The following FGB variants were observed in gnomAD, a reference collection of about 807,000 sequenced individuals.
The protein encoded by FGB is beta-fibrinogen.
In FGB, 25 loss-of-function variants were observed where a neutral mutation model predicts 57.9. That is an observed-to-expected ratio of 0.43 (90% confidence interval 0.31 to 0.60). The LOEUF (loss-of-function observed/expected upper bound fraction) is 0.60, where lower values mean the gene tolerates loss of function less well. Among genes scored for constraint, FGB ranks in the 20% least tolerant of loss-of-function variants. The pLI is 0.08. For missense variants in FGB, 536 were observed against 598.4 expected (o/e 0.90, Z 1.09); for synonymous variants, 203 against 199.2 (o/e 1.02, Z -0.16).
Position 154,570,403 on chromosome 4 carries a change from A to G in FGB, c.1245-16A>G, listed in dbSNP as rs748100577. On this transcript the variant is annotated splice_polypyrimidine_tract_variant and intron_variant, in intron 7 of 7. Transcript: ENST00000302068. ...GTAGTTCTGTTTCTAATAACGCCAA[A>G]CACATTTTCTTTCAGGTTAACATCA... The G allele has an allele frequency of 1.9e-5, 30 of 1,601,278 alleles. No individual in the cohort carries two copies. The highest frequency in any genetic ancestry group is 2.5e-5 in the Non-Finnish European group (29 of 1,168,460).
Position 154,567,743 on chromosome 4 carries a change from C to A in FGB, c.641C>A (p.Ser214Tyr). ...AGAAGCAAAATACAAAAGTTAGAAT[C>A]TGATGTCTCAGCTCAAATGGAATAT... ...NLRSKIQKLE[S>Y]DVSAQMEYCR... Residue 214 changes from serine (S) to tyrosine (Y), a missense_variant, in exon 4 of 8, where the codon TCT (serine) becomes TAT (tyrosine). Physicochemically the swap from Ser to Tyr is moderately radical, Grantham distance 144 (BLOSUM62 -2). Coordinates refer to ENST00000302068, the MANE Select transcript of FGB (RefSeq NM_005141.5). 1 of 1,614,104 alleles carries A rather than the reference C, an allele frequency of 6.2e-7. No homozygotes were observed.
chr4:154,569,305 C>A lies in FGB; in HGVS notation c.956C>A (p.Pro319Gln), dbSNP rs374463429. 6.2e-7 allele frequency: 1 copy of A among 1,613,910 alleles called. No homozygotes were observed. Among genetic ancestry groups the A allele is most frequent in the Non-Finnish European group, 8.5e-7 (1 of 1,179,956 alleles). Residue 319 changes from proline to glutamine, a missense_variant and splice_region_variant, in exon 6 of 8, where the codon CCA (proline) becomes CAA (glutamine). Pro to Gln is a moderately conservative substitution (Grantham distance 76). Coordinates refer to ENST00000302068, the MANE Select transcript of FGB (RefSeq NM_005141.5). Reference sequence around the variant, plus strand: ...GATGGGAAGAATTACTGTGGCCTACCAGGTAACGAACAGGCATGCAAAATA... The same window carrying A: ...GATGGGAAGAATTACTGTGGCCTACAAGGTAACGAACAGGCATGCAAAATA... ...NTDGKNYCGLPGEYWLGNDKI... is the reference protein window; with the variant it reads ...NTDGKNYCGLQGEYWLGNDKI...
In FGB at chr4:154,567,797, A is replaced by G. The variant is rs1483917678; in HGVS notation, c.695A>G (p.Asn232Ser). The change falls in exon 4 of 8, where the codon AAT becomes AGT. Residue 232 changes from asparagine to serine, a missense_variant. This residue lies in a region of FGB where 354 missense variants were observed against 383.4 expected (regional missense o/e 0.92). Transcript: ENST00000302068. ...CGCACCCCATGCACTGTCAGTTGCAATATTCCTGTGGTGTCTGGCAAAGGT... is the reference window on the plus strand; with the variant it reads ...CGCACCCCATGCACTGTCAGTTGCAGTATTCCTGTGGTGTCTGGCAAAGGT... ...YCRTPCTVSC[N>S]IPVVSGKECE... The G allele has an allele frequency of 5.0e-6, 8 of 1,613,574 alleles. No homozygotes were observed. Among genetic ancestry groups the G allele is most frequent in the Non-Finnish European group, 6.8e-6 (8 of 1,179,566 alleles).
chr4:154,570,372 A>G (rs962240429), intron 7 of FGB, 47 bp from the exon 8 acceptor site: 1 of 1,447,732 alleles, frequency 6.9e-7, no homozygotes, highest in Non-Finnish European at 9.7e-7. Context: ...ACGTAACTTG[A>G]CCACCGTAGT....
Position 154,566,676 on chromosome 4 carries a change from G to C in FGB, c.490+4G>C, listed in dbSNP as rs1476941754. 1 of 1,613,496 alleles carries C rather than the reference G, an allele frequency of 6.2e-7. No individual in the cohort carries two copies. The highest frequency in any genetic ancestry group is 2.2e-5 in the East Asian group (1 of 44,872). ...AAGAGGCAGAAGCAAGTAAAAGGTA[G>C]ATATCCTTGTGCTTTCCATTCGATT... On this transcript the variant is annotated splice_donor_region_variant and intron_variant, in intron 3 of 7. Transcript: ENST00000302068.
At position 154,565,952 on chromosome 4, in the gene FGB, A is replaced by G. The variant is rs768833298; in HGVS notation, c.259A>G (p.Arg87Gly). The change falls in exon 2 of 8, where the codon AGA becomes GGA. Residue 87 changes from arginine to glycine, a missense_variant. Physicochemically the swap from Arg to Gly is moderately radical, Grantham distance 125 (BLOSUM62 -2). This residue lies in a region of FGB where 354 missense variants were observed against 383.4 expected (regional missense o/e 0.92). Coordinates refer to ENST00000302068, the MANE Select transcript of FGB (RefSeq NM_005141.5). ...KAAATQKKVE[R>G]KAPDAGGCLH... ...AGCTGCCACTCAAAAGAAAGTAGAA[A>G]GAAAAGCCCCTGATGCTGGAGGCTG... is the stretch of plus-strand genomic sequence containing the variant. The G allele has an allele frequency of 1.9e-6, 3 of 1,613,976 alleles. No homozygotes were observed. The highest frequency in any genetic ancestry group is 1.3e-5 in the African/African-American group (1 of 74,926).
chr4:154,569,846 C>A (rs753182744), intron 7 of FGB, 47 bp downstream of exon 7: 1 of 1,597,950 alleles, frequency 6.3e-7, no homozygotes, highest in Non-Finnish European at 8.6e-7. Flanking sequence ...ACACTAATAT[C>A]ATTACTCAGA....
In FGB at chr4:154,571,692, C is replaced by T. The variant is rs1489249304; in HGVS notation, c.*1042C>T. On this transcript the variant is annotated 3_prime_UTR_variant, in exon 8 of 8. Transcript: ENST00000302068. ...AGGCTTTTTTTTCTTCATAGTTACA[C>T]CAGAACTAAAGTAAAAGTGGTTTTT... 6.6e-6 allele frequency among the ~76,000 whole-genome samples: 1 copy of T among 152,048 alleles called. No homozygotes were observed. Among genetic ancestry groups the T allele is most frequent in the African/African-American group, 2.4e-5 (1 of 41,402 alleles).
intron 1 of FGB, 81 bp downstream of exon 1, chr4:154,563,213 T>C: frequency 3.0e-6 from 2 of 662,782 alleles, no homozygotes; most frequent in Non-Finnish European, 5.3e-6. Context: ...GTGCTTATTT[T>C]AATGAAATTA....
chr4:154,566,709 A>G, intron 3 of FGB, 37 bp downstream of exon 3: 3 of 1,594,588 alleles, frequency 1.9e-6, no homozygotes, highest in Non-Finnish European at 8.6e-7. Flanking sequence ...ATTTTCAGCT[A>G]TAAAATTGGA....
rs1203857769 is a variant in FGB at position 154,572,732 on chromosome 4, T to A, written c.*2082T>A. 1.3e-5 allele frequency among the ~76,000 whole-genome samples: 2 copies of A among 152,170 alleles called. No homozygotes were observed. Among genetic ancestry groups the A allele is most frequent in the South Asian group, 4.1e-4 (2 of 4,832 alleles). On this transcript the variant is annotated 3_prime_UTR_variant, in exon 8 of 8. Transcript: ENST00000302068. The stretch of plus-strand genomic sequence containing the variant: ...AAAGTGTTTAACATATACGATTTCA[T>A]GATTTTGGAAATATGCATACACCCA...
intron 1 of FGB, among the ~76,000 whole-genome samples, chr4:154,563,541 C>T (rs1052821712): frequency 3.3e-5 from 5 of 151,694 alleles, no homozygotes; most frequent in Admixed American, 1.3e-4. Context: ...GTAGATTGTT[C>T]TTTGGTGAAG....
At chr4:154,565,383 T>C (rs1730112765) in intron 1 of FGB, 5 of 272,542 alleles carry the variant, frequency 1.8e-5, no homozygotes. Flanking sequence ...TATATAGGAG[T>C]CTAATCACCA....
At chr4:154,570,305 C>T in intron 7 of FGB, 114 bp from the exon 8 acceptor site, 1 of 785,514 alleles carries the variant, frequency 1.3e-6, no homozygotes, top group African/African-American at 1.7e-5. Context: ...GTATAGCACC[C>T]AAAGGAAAGA....
At position 154,567,808 on chromosome 4, in the gene FGB, G is replaced by T. The variant is rs763257449; in HGVS notation, c.706G>T (p.Val236Leu). Residue 236 changes from valine to leucine, a missense_variant, in exon 4 of 8, where the codon GTG (valine) becomes TTG (leucine). By Grantham distance (32) the Val-to-Leu change is conservative (BLOSUM62 1). Coordinates refer to ENST00000302068, the MANE Select transcript of FGB (RefSeq NM_005141.5). ...PCTVSCNIPV[V>L]SGKECEEIIR... is the part of the protein sequence containing the mutation. ...CACTGTCAGTTGCAATATTCCTGTG[G>T]TGTCTGGCAAAGGTAACTGATTCAT... The T allele has an allele frequency of 3.7e-6, 6 of 1,612,294 alleles. No individual in the cohort carries two copies. In the East Asian group the frequency reaches 1.3e-4, roughly 36 times the overall value.
rs1285007027 is a variant in FGB at position 154,571,270 on chromosome 4, G to A, written c.*620G>A. Reference sequence around the variant, plus strand: ...TATAATCCCAACACTTTGGGAGGCTGAGGCGGGCGGTCACAAGGTCAGGAG... The same window carrying A: ...TATAATCCCAACACTTTGGGAGGCTAAGGCGGGCGGTCACAAGGTCAGGAG... On this transcript the variant is annotated 3_prime_UTR_variant, in exon 8 of 8. Transcript: ENST00000302068. 5.9e-5 allele frequency among the ~76,000 whole-genome samples: 9 copies of A among 151,980 alleles called. No individual in the cohort carries two copies. In the East Asian group the frequency reaches 1.2e-3, roughly 20 times the overall value.
chr4:154,565,736 A>G, intron 1 of FGB, 72 bp from the exon 2 acceptor site: 1 of 1,409,598 alleles, frequency 7.1e-7, no homozygotes, highest in Non-Finnish European at 9.9e-7. Flanking sequence ...TTATAAAATG[A>G]GGGTGTTGGA....
At chr4:154,569,101 C>A (rs748538606) in intron 5 of FGB, 81 bp from the exon 6 acceptor site, 32 of 1,429,632 alleles carry the variant, frequency 2.2e-5, no homozygotes, top group Non-Finnish European at 3.1e-5. Flanking sequence ...ATGGAATGGA[C>A]AGGGGATTCA....
intron 1 of FGB, chr4:154,565,514 A>C (rs1730118953): frequency 2.6e-6 from 1 of 386,366 alleles, no homozygotes; most frequent in African/African-American, 2.1e-5. Context: ...CGTAAGTTCC[A>C]ATGTATGTTT....
Sources: gnomAD v4.1 joint callset for allele counts (sites outside exome capture counted in the v4.1 genomes callset) on GRCh38, gnomAD v4.1.1 for gene constraint, gnomAD v4.1.1 regional missense constraint, MANE v1.5 for transcripts, NCBI Gene and HGNC (gene_info 2026-07-23, HGNC 2026-07-21) for gene names.